Variants in SLC9A9 observed in about 807,000 individuals in gnomAD.
The protein encoded by SLC9A9 is sodium/hydrogen exchanger 9.
In SLC9A9, 62 loss-of-function variants were observed where a neutral mutation model predicts 77.8. The ratio of observed to expected loss-of-function variants is 0.80; its 90% CI spans 0.65 to 0.98. SLC9A9 has a LOEUF of 0.98. SLC9A9 is among the 50% of genes least tolerant of loss of function. SLC9A9 has a pLI of 0.00. For synonymous variants in SLC9A9, 320 were observed against 283.5 expected, an observed-to-expected ratio of 1.13 and a Z score of -1.29; for missense variants, 775 against 774.9, an observed-to-expected ratio of 1.00 and a Z score of 0.00.
chr3:143,487,192 AG>A (rs1305494223), intron 11 of SLC9A9, among the ~76,000 whole-genome samples: 1 of 144,540 alleles, frequency 6.9e-6, no homozygotes, highest in Non-Finnish European at 1.6e-5. Flanking sequence ...GATTAATAAA[AG>A]TTCCAGTACT....
chr3:143,271,980 G>C (rs961489000), intron 14 of SLC9A9, among the ~76,000 whole-genome samples: 5 of 152,296 alleles, frequency 3.3e-5, no homozygotes, highest in African/African-American at 1.2e-4. Context: ...GGGTGTATGA[G>C]AGATGGAAGT....
chr3:143,706,478 GA>G (rs10709029), intron 4 of SLC9A9, among the ~76,000 whole-genome samples: 100,495 of 152,038 alleles, frequency 0.66, 33,540 homozygotes, highest in African/African-American at 0.69. Flanking sequence ...TGTTTAATTA[GA>G]AAGGTTGTGG....
chr3:143,733,428 G>A (rs541598367), intron 4 of SLC9A9, among the ~76,000 whole-genome samples: 1 of 152,190 alleles, frequency 6.6e-6, no homozygotes, highest in Non-Finnish European at 1.5e-5. Flanking sequence ...GTGTATGAAT[G>A]GGAAGATAAA....
intron 14 of SLC9A9, among the ~76,000 whole-genome samples, chr3:143,316,831 C>A (rs1179803451): frequency 6.6e-6 from 1 of 152,118 alleles, no homozygotes; most frequent in Non-Finnish European, 1.5e-5. Flanking sequence ...AGGGTTACTG[C>A]ATTTGATTCT....
At chr3:143,748,038 A>G (rs1935236109) in intron 4 of SLC9A9, among the ~76,000 whole-genome samples, 1 of 152,222 alleles carries the variant, frequency 6.6e-6, no homozygotes, top group Non-Finnish European at 1.5e-5. Flanking sequence ...AGAGTGGATT[A>G]GCAGCTAGAG....
chr3:143,598,595 C>T (rs1304184162), intron 6 of SLC9A9, among the ~76,000 whole-genome samples: 3 of 152,220 alleles, frequency 2.0e-5, no homozygotes, highest in Non-Finnish European at 4.4e-5. Context: ...ACACCGTCTT[C>T]CTCCAAATCC....
intron 6 of SLC9A9, among the ~76,000 whole-genome samples, chr3:143,628,914 C>A (rs1015492095): frequency 2.0e-5 from 3 of 151,974 alleles, no homozygotes; most frequent in Non-Finnish European, 4.4e-5. Context: ...TCTTATTGAG[C>A]AAAAATAATA....
rs113545054 is a variant in SLC9A9, at chr3:143,447,694, C to A, written c.1469+19343G>T. 3.3e-3 allele frequency among the ~76,000 whole-genome samples: 499 copies of A among 152,244 alleles called. 5 individuals carry two copies. Among genetic ancestry groups the A allele is most frequent in the African/African-American group, 0.011 (475 of 41,552 alleles). On this transcript the variant is annotated intron_variant, in intron 12 of 15. Coordinates refer to ENST00000316549, the MANE Select transcript of SLC9A9 (RefSeq NM_173653.4). ...GAGTTTTCAATACTCATAATGCTGACAATGGTTATTTTGAGAAAAGCAAAC... is the reference window on the plus strand; with the variant it reads ...GAGTTTTCAATACTCATAATGCTGAAAATGGTTATTTTGAGAAAAGCAAAC...
At chr3:143,805,589 C>T (rs1354612967) in intron 2 of SLC9A9, among the ~76,000 whole-genome samples, 1 of 152,044 alleles carries the variant, frequency 6.6e-6, no homozygotes, top group East Asian at 1.9e-4. Context: ...ATGGCTGGTT[C>T]CTGCCTTAAC....
chr3:143,542,803 T>G (rs2036710408), intron 9 of SLC9A9, among the ~76,000 whole-genome samples: 1 of 152,212 alleles, frequency 6.6e-6, no homozygotes, highest in Non-Finnish European at 1.5e-5. Context: ...CAGAAAGAAT[T>G]TATCTAGCTC....
At chr3:143,816,050 T>G (rs1265314861) in intron 2 of SLC9A9, among the ~76,000 whole-genome samples, 4 of 152,202 alleles carry the variant, frequency 2.6e-5, no homozygotes, top group African/African-American at 7.2e-5. Context: ...CTCAAACAAG[T>G]TTTAAATGAT....
At chr3:143,811,777 G>C (rs761835888) in intron 2 of SLC9A9, 1 of 450,608 alleles carries the variant, frequency 2.2e-6, no homozygotes. Flanking sequence ...CACGAGAATC[G>C]CATGAACCCG....
intron 2 of SLC9A9, 103 bp downstream of exon 2, chr3:143,831,916 T>G: frequency 9.8e-7 from 1 of 1,022,426 alleles, no homozygotes; most frequent in Admixed American, 2.1e-5. Flanking sequence ...AAAATAGGCA[T>G]ATATGTGTGT....
chr3:143,728,436 C>A lies in SLC9A9; in HGVS notation c.534-35129G>T, dbSNP rs1010803711. ...GGCCTTGAGGCTAGAAGGAAGATGA[C>A]ATCTTCTGGGATCTGAAAGGAAGTG... On this transcript the variant is annotated intron_variant, in intron 4 of 15. Transcript: ENST00000316549. Among the ~76,000 whole-genome samples the A allele has an allele frequency of 2.0e-5, 3 of 152,220 alleles. No individual in the cohort carries two copies. In the East Asian group the frequency reaches 5.8e-4, roughly 29 times the overall value.
intron 2 of SLC9A9, among the ~76,000 whole-genome samples, chr3:143,821,901 G>T (rs914986586): frequency 7.9e-5 from 12 of 151,416 alleles, no homozygotes; most frequent in Non-Finnish European, 1.5e-4. Context: ...CCCAGCCTAT[G>T]CGGGGGTCAG....
At chr3:143,463,621 G>T (rs2035234772) in intron 12 of SLC9A9, among the ~76,000 whole-genome samples, 1 of 152,158 alleles carries the variant, frequency 6.6e-6, no homozygotes. Context: ...TTTTAATCAA[G>T]AAACCATTCT....
chr3:143,736,628 T>C (rs1934947352), intron 4 of SLC9A9, among the ~76,000 whole-genome samples: 2 of 152,210 alleles, frequency 1.3e-5, no homozygotes, highest in African/African-American at 4.8e-5. Context: ...AGTGAGAAGA[T>C]TGAAGATGGA....
chr3:143,521,825 A>G (rs1054749253), intron 9 of SLC9A9, among the ~76,000 whole-genome samples: 2 of 152,098 alleles, frequency 1.3e-5, no homozygotes, highest in Non-Finnish European at 2.9e-5. Context: ...CTTTAAGTAT[A>G]TATATGCAAA....
intron 5 of SLC9A9, among the ~76,000 whole-genome samples, chr3:143,653,978 AC>A (rs2038843948): frequency 6.6e-6 from 1 of 152,218 alleles, no homozygotes; most frequent in Admixed American, 6.5e-5. Context: ...AGCAGAGGTG[AC>A]AGCACCCCAG....
Sources: allele counts gnomAD v4.1 joint callset (sites outside exome capture counted in the v4.1 genomes callset), GRCh38; gene constraint gnomAD v4.1.1; transcripts MANE v1.5; gene names NCBI Gene and HGNC (gene_info 2026-07-23, HGNC 2026-07-21).